Variants in BEND2 observed in about 807,000 individuals in gnomAD.
BEND2 encodes the protein BEN domain-containing protein 2.
A neutral mutation model predicts 43.8 loss-of-function variants in BEND2; 19 were observed. That is an observed-to-expected ratio of 0.43 (90% CI 0.30 to 0.64). The LOEUF (loss-of-function observed/expected upper bound fraction) is 0.64, where lower values mean the gene tolerates loss of function less well. Among genes scored for constraint, BEND2 ranks in the 30% least tolerant of loss-of-function variants. The pLI, the probability that BEND2 is intolerant of heterozygous loss-of-function variation, is 0.11. For synonymous variants in BEND2, 226 were observed against 210.1 expected (o/e 1.08, Z -0.66); for missense variants, 544 against 574.0 (o/e 0.95, Z 0.53).
chrX:18,217,623 T>C (rs957463879), intron 1 of BEND2, among the ~76,000 whole-genome samples: 1 of 111,271 alleles, frequency 9.0e-6, no homozygotes, highest in Non-Finnish European at 1.9e-5. Context: ...CCGTAAAAAG[T>C]GGGGTTTTTT....
intron 6 of BEND2, among the ~76,000 whole-genome samples, chrX:18,200,329 C>T (rs943244773): frequency 9.1e-6 from 1 of 109,842 alleles, no homozygotes; most frequent in South Asian, 3.9e-4. Context: ...ATGGTGAAAC[C>T]CTGTCTCTAC....
At chrX:18,193,840 T>C (rs908326554) in intron 7 of BEND2, among the ~76,000 whole-genome samples, 1 of 111,368 alleles carries the variant, frequency 9.0e-6, no homozygotes, top group Non-Finnish European at 1.9e-5. Context: ...GGTAATTCAC[T>C]GTCTGAGTAT....
intron 1 of BEND2, 22 bp downstream of exon 1, chrX:18,220,704 A>C: frequency 1.7e-6 from 2 of 1,210,147 alleles, no homozygotes; most frequent in Non-Finnish European, 2.2e-6. Context: ...CTAGCGGGCC[A>C]GTTGAGGCGA....
Position 18,175,298 on chromosome X carries a change from C to T in BEND2, c.1752+674G>A, listed in dbSNP as rs751626347. ...CTCTAGAGACACAGGAGCGACTAGA[C>T]GTGGCCAGAAGAAAAGGGGGTTGGT... On this transcript the variant is annotated intron_variant, in intron 11 of 13. Transcript: ENST00000380033. Among the ~76,000 whole-genome samples, 7 of 111,285 alleles carry T rather than the reference C, an allele frequency of 6.3e-5. No individual in the cohort carries two copies. The South Asian group carries it at 2.3e-3, about 36-fold the overall frequency.
At position 18,174,066 on chromosome X, in the gene BEND2, A is replaced by G. The variant is rs145726572; in HGVS notation, c.1945T>C (p.Ser649Pro). Reference protein sequence around the residue: ...NAIPEGMREPSTDNPEEPGEA... With the variant: ...NAIPEGMREPPTDNPEEPGEA... ...CCAGGTTCCTCTGGATTATCAGTGG[A>G]AGGTTCTCGCATTCCTTCAGGGATA... Residue 649 changes from serine to proline, a missense_variant, in exon 12 of 14, where the codon TCC becomes CCC. Coordinates refer to ENST00000380033, the MANE Select transcript of BEND2 (RefSeq NM_153346.5). 728 of 1,208,873 alleles carry G rather than the reference A, an allele frequency of 6.0e-4. 2 individuals carry two copies. The highest frequency in any genetic ancestry group is 5.9e-4 in the Non-Finnish European group (531 of 894,772).
intron 6 of BEND2, among the ~76,000 whole-genome samples, chrX:18,198,212 C>T (rs1401446807): frequency 7.2e-5 from 8 of 110,385 alleles, no homozygotes; most frequent in African/African-American, 1.3e-4. Flanking sequence ...GGGATCTAAT[C>T]AAACTAAAGA....
intron 8 of BEND2, among the ~76,000 whole-genome samples, chrX:18,185,535 AT>A (rs1924538565): frequency 3.0e-4 from 1 of 3,331 alleles, no homozygotes; most frequent in Admixed American, 6.6e-3. Flanking sequence ...AGTCGCAAAA[AT>A]AATAATAATA....
intron 8 of BEND2, among the ~76,000 whole-genome samples, chrX:18,190,530 T>C (rs943375945): frequency 9.0e-6 from 1 of 111,168 alleles, no homozygotes; most frequent in African/African-American, 3.3e-5. Context: ...ATTCTTACAA[T>C]GACAAAATTA....
rs1925551853 is a variant in BEND2, at chrX:18,212,695, A to G, written c.377-15T>C. 1.8e-6 allele frequency: 2 copies of G among 1,083,372 alleles called. No homozygotes were observed. The highest frequency in any genetic ancestry group is 3.7e-5 in the African/African-American group (2 of 54,741). 89.3% of individuals were successfully genotyped at this position (1,083,372 alleles called of 1,213,427 possible). A position where few individuals can be genotyped will look rare whatever the true frequency, so the allele number is the denominator to read the frequency against. On this transcript the variant is annotated splice_polypyrimidine_tract_variant and intron_variant, in intron 3 of 13. Coordinates refer to ENST00000380033, the MANE Select transcript of BEND2 (RefSeq NM_153346.5). ...ACCATGGGCTACTGTGAAGCAATGC[A>G]TTAAAAAGTTATTTCATACACTACT...
At chrX:18,184,518 G>T (rs1001761957) in intron 8 of BEND2, among the ~76,000 whole-genome samples, 1 of 111,634 alleles carries the variant, frequency 9.0e-6, no homozygotes, top group South Asian at 3.8e-4. Context: ...GTAATCCAGA[G>T]AATTCTTCTG....
In BEND2 at chrX:18,165,138, A is replaced by G. The variant is rs1228208296; in HGVS notation, c.2271T>C (p.Gly757=). 1.7e-6 allele frequency: 2 copies of G among 1,209,840 alleles called. No homozygotes were observed. Among genetic ancestry groups the G allele is most frequent in the African/African-American group, 3.5e-5 (2 of 57,606 alleles). The change falls in exon 14 of 14, where the codon GGT becomes GGC. Residue 757 remains glycine (G), a synonymous_variant. Transcript: ENST00000380033. ...TGACGTCATGTCTAAGGCTACGGAT[A>G]CCGCTGTTGATGGAGGTCACACACG... ...WKSCVTSINS[G]IRSLRHDVRR...
At chrX:18,214,231 C>A (rs1456969703) in intron 2 of BEND2, among the ~76,000 whole-genome samples, 3 of 110,775 alleles carry the variant, frequency 2.7e-5, no homozygotes, top group African/African-American at 9.9e-5. Flanking sequence ...ACAGCATGGG[C>A]AACACAGTGG....
At chrX:18,185,957 C>A (rs1041098296) in intron 8 of BEND2, among the ~76,000 whole-genome samples, 1 of 111,372 alleles carries the variant, frequency 9.0e-6, no homozygotes, top group South Asian at 3.7e-4. Flanking sequence ...CAGACCTATG[C>A]TATAAGAAAT....
chrX:18,194,758 A>C (rs1041247429), intron 7 of BEND2, among the ~76,000 whole-genome samples: 3 of 111,253 alleles, frequency 2.7e-5, no homozygotes, highest in African/African-American at 9.8e-5. Flanking sequence ...TTATACAACA[A>C]TTGAAAGAGA....
intron 4 of BEND2, 29 bp downstream of exon 4, chrX:18,212,536 C>T (rs1925543429): frequency 2.0e-6 from 2 of 1,011,587 alleles, no homozygotes; most frequent in Non-Finnish European, 2.8e-6. Context: ...GAGAGATTTT[C>T]ACTTTAATAA....
chrX:18,218,227 G>A (rs1231306893), intron 1 of BEND2, among the ~76,000 whole-genome samples: 2 of 111,593 alleles, frequency 1.8e-5, no homozygotes, highest in Non-Finnish European at 3.8e-5. Flanking sequence ...ATTCAAAACA[G>A]AAAAATACAG....
At chrX:18,207,828 G>C (rs780762289) in intron 4 of BEND2, among the ~76,000 whole-genome samples, 2 of 111,229 alleles carry the variant, frequency 1.8e-5, no homozygotes, top group East Asian at 5.8e-4. Flanking sequence ...AGGCCAGCCT[G>C]GCCAACATGG....
intron 9 of BEND2, among the ~76,000 whole-genome samples, chrX:18,180,195 T>G (rs1308204807): frequency 9.0e-6 from 1 of 111,704 alleles, no homozygotes; most frequent in African/African-American, 3.3e-5. Context: ...AAAAGACACA[T>G]GAGTTTTAAA....
At chrX:18,198,175 T>G (rs1925021711) in intron 6 of BEND2, among the ~76,000 whole-genome samples, 1 of 110,561 alleles carries the variant, frequency 9.0e-6, no homozygotes, top group Non-Finnish European at 1.9e-5. Context: ...CCAAAAGCAA[T>G]GGCAACAAAA....
Sources: allele counts gnomAD v4.1 joint callset (sites outside exome capture counted in the v4.1 genomes callset), GRCh38; gene constraint gnomAD v4.1.1; transcripts MANE v1.5; gene names NCBI Gene and HGNC (gene_info 2026-07-23, HGNC 2026-07-21).